Variants in DNAL1 observed in about 807,000 individuals in gnomAD.
The protein encoded by DNAL1 is chromosome 14 open reading frame 168.
In DNAL1, 17 loss-of-function variants were observed where a neutral mutation model predicts 29.4. The ratio of observed to expected loss-of-function variants is 0.58; its 90% CI spans 0.40 to 0.87. The LOEUF (loss-of-function observed/expected upper bound fraction) is 0.87. Among genes scored for constraint, DNAL1 ranks in the 40% least tolerant of loss-of-function variants. DNAL1 has a pLI of 0.00. For missense variants in DNAL1, 188 were observed against 214.1 expected (o/e 0.88, Z 0.76); for synonymous variants, 78 against 76.3 (o/e 1.02, Z -0.12).
At chr14:73,690,085 C>T (rs1179342822) in intron 7 of DNAL1, among the ~76,000 whole-genome samples, 1 of 149,948 alleles carries the variant, frequency 6.7e-6, no homozygotes, top group African/African-American at 2.5e-5. Flanking sequence ...TATAAATCTA[C>T]ATGGAGCCAG....
rs550967876 is a variant in DNAL1 at position 73,658,883 on chromosome 14, G to C, written c.79G>C (p.Glu27Gln). The change falls in exon 3 of 8, where the codon GAG (glutamate) becomes CAG (glutamine). Residue 27 changes from glutamate (E) to glutamine (Q), a missense_variant. Transcript: ENST00000553645. ...KTGQRPSEAK[E>Q]IKLYAQIPPI... ...TGGCCAGAGGCCATCTGAAGCCAAA[G>C]AGATAAAACTTTATGCCCAGATTCC... The C allele has an allele frequency of 6.2e-7, 1 of 1,602,780 alleles. No homozygotes were observed. The highest frequency in any genetic ancestry group is 2.3e-5 in the East Asian group (1 of 44,406).
Position 73,648,410 on chromosome 14 carries a change from A to G in DNAL1, c.3+3368A>G, listed in dbSNP as rs1372341445. On this transcript the variant is annotated intron_variant, in intron 1 of 7. Coordinates refer to ENST00000553645, the MANE Select transcript of DNAL1 (RefSeq NM_031427.4). ...TGTTATAACACCTCATTTCATATAT[A>G]TATATATTTGTTGTTTGTTTGTTTT... is the stretch of plus-strand genomic sequence containing the variant. 2.3e-5 allele frequency among the ~76,000 whole-genome samples: 3 copies of G among 128,424 alleles called. 1 individual carries two copies. The highest frequency in any genetic ancestry group is 9.4e-5 in the African/African-American group (3 of 31,974). 84.3% of individuals were successfully genotyped at this position (128,424 alleles called of 152,430 possible).
At chr14:73,680,489 T>A (rs1891849378) in intron 5 of DNAL1, among the ~76,000 whole-genome samples, 2 of 152,226 alleles carry the variant, frequency 1.3e-5, no homozygotes, top group Non-Finnish European at 2.9e-5. Flanking sequence ...ATATTTCATG[T>A]ATAAAGATTT....
chr14:73,695,831 GA>G, intron 7 of DNAL1, 70 bp from the exon 8 acceptor site: 1 of 1,391,522 alleles, frequency 7.2e-7, no homozygotes, highest in Non-Finnish European at 9.9e-7. Flanking sequence ...GCCCGGCCAG[GA>G]AAATATTTTC....
chr14:73,687,145 G>T, intron 5 of DNAL1, 114 bp from the exon 6 acceptor site: 1 of 1,290,618 alleles, frequency 7.7e-7, no homozygotes, highest in Non-Finnish European at 1.0e-6. Flanking sequence ...TCTTCTACAA[G>T]TAGACAGGCA....
chr14:73,667,850 C>G (rs777009368), intron 4 of DNAL1, among the ~76,000 whole-genome samples: 5 of 152,114 alleles, frequency 3.3e-5, no homozygotes, highest in Non-Finnish European at 4.4e-5. Context: ...GTTGTTCAGG[C>G]CAAACCTCTT....
chr14:73,689,774 G>A (rs531359817), intron 7 of DNAL1, among the ~76,000 whole-genome samples: 2 of 152,030 alleles, frequency 1.3e-5, no homozygotes, highest in Non-Finnish European at 1.5e-5. Flanking sequence ...GGTGGCTCAC[G>A]CCTGTAATCC....
intron 1 of DNAL1, among the ~76,000 whole-genome samples, chr14:73,651,505 T>G (rs897075193): frequency 2.0e-5 from 3 of 152,222 alleles, no homozygotes; most frequent in Non-Finnish European, 4.4e-5. Context: ...GGGAAGAGGA[T>G]AAGGGTAAAT....
chr14:73,649,504 G>A (rs1027168484), intron 1 of DNAL1, among the ~76,000 whole-genome samples: 16 of 150,528 alleles, frequency 1.1e-4, no homozygotes, highest in Non-Finnish European at 7.4e-5. Flanking sequence ...GGATGGTCTC[G>A]ATCTCCTGAC....
intron 3 of DNAL1, among the ~76,000 whole-genome samples, chr14:73,661,544 A>G (rs1451037108): frequency 6.6e-6 from 1 of 152,192 alleles, no homozygotes; most frequent in African/African-American, 2.4e-5. Flanking sequence ...CAGGAGTTCA[A>G]GACCAGCTTG....
intron 3 of DNAL1, among the ~76,000 whole-genome samples, chr14:73,661,064 G>A (rs551742270): frequency 3.3e-5 from 5 of 151,900 alleles, no homozygotes; most frequent in African/African-American, 9.7e-5. Context: ...CTTGGGTGGC[G>A]GAGGCATGAA....
At chr14:73,654,338 A>G (rs1156584582) in intron 1 of DNAL1, among the ~76,000 whole-genome samples, 4 of 152,252 alleles carry the variant, frequency 2.6e-5, no homozygotes, top group Non-Finnish European at 5.9e-5. Flanking sequence ...TATTTAAATC[A>G]TTTTGATTTC....
chr14:73,692,859 C>T (rs567638093), intron 7 of DNAL1, among the ~76,000 whole-genome samples: 16 of 146,244 alleles, frequency 1.1e-4, no homozygotes, highest in East Asian at 2.0e-4. Flanking sequence ...TTTTTTGAAT[C>T]GGAGTCTCAC....
chr14:73,679,125 A>G (rs760081487), intron 5 of DNAL1, among the ~76,000 whole-genome samples: 21 of 151,876 alleles, frequency 1.4e-4, no homozygotes, highest in Non-Finnish European at 2.9e-4. Flanking sequence ...GCCTCCCAAG[A>G]AGCTAGGACT....
At chr14:73,656,796 T>C (rs1199588554) in intron 2 of DNAL1, among the ~76,000 whole-genome samples, 1 of 152,124 alleles carries the variant, frequency 6.6e-6, no homozygotes, top group Non-Finnish European at 1.5e-5. Flanking sequence ...CCAACATTTA[T>C]TGAGGATCTA....
chr14:73,645,317 A>G lies in DNAL1; in HGVS notation c.3+275A>G, dbSNP rs1890954069. ...GGCGAAGAGCAGGAAATTCTCTAAA[A>G]AGAGCGTATTGGAGTGGGAAGGGTG... On this transcript the variant is annotated intron_variant, in intron 1 of 7. Coordinates refer to ENST00000553645, the MANE Select transcript of DNAL1 (RefSeq NM_031427.4). 2.0e-5 allele frequency among the ~76,000 whole-genome samples: 3 copies of G among 152,252 alleles called. No homozygotes were observed. The South Asian group carries it at 6.2e-4, about 32-fold the overall frequency.
In DNAL1 at chr14:73,700,992, C is replaced by T. The variant is rs1183277571; in HGVS notation, c.*5050C>T. ...AAAATCATGGAACTTTTAGAAATAC[C>T]ATATCTGTATCTCTATTCCTGCATT... On this transcript the variant is annotated 3_prime_UTR_variant, in exon 8 of 8. Transcript: ENST00000553645. 1 of 152,058 alleles carries T rather than the reference C, an allele frequency of 6.6e-6. No individual in the cohort carries two copies. Among genetic ancestry groups the T allele is most frequent in the African/African-American group, 2.4e-5 (1 of 41,390 alleles). 9.4% of individuals were successfully genotyped at this position (152,058 alleles called of 1,614,324 possible).
chr14:73,687,519 A>C, intron 6 of DNAL1, 134 bp downstream of exon 6: 30 of 1,023,220 alleles, frequency 2.9e-5, no homozygotes, highest in Non-Finnish European at 3.7e-5. Flanking sequence ...GGCTAAGCTC[A>C]GAGAGAAACA....
intron 4 of DNAL1, among the ~76,000 whole-genome samples, chr14:73,663,599 C>T (rs1317758240): frequency 6.6e-6 from 1 of 152,080 alleles, no homozygotes; most frequent in East Asian, 1.9e-4. Context: ...AATTTAGGCT[C>T]ATGACCCATA....
Sources: allele counts gnomAD v4.1 joint callset (sites outside exome capture counted in the v4.1 genomes callset), GRCh38; gene constraint gnomAD v4.1.1; transcripts MANE v1.5; gene names NCBI Gene and HGNC (gene_info 2026-07-23, HGNC 2026-07-21).